RIT2: variants seen among roughly 807,000 people sequenced by gnomAD.
The protein encoded by RIT2 is Ras like without CAAX 2.
In RIT2, 24 loss-of-function variants were observed where a neutral mutation model predicts 23.7. The ratio of observed to expected loss-of-function variants is 1.01; its 90% CI spans 0.73 to 1.43. The LOEUF (loss-of-function observed/expected upper bound fraction) is 1.43. Among genes scored for constraint, RIT2 ranks in the 40% most tolerant of loss-of-function variants. The probability of loss-of-function intolerance (pLI) is 0.00; values close to 1 mark genes in which losing one functional copy is unlikely to be tolerated. For synonymous variants in RIT2, 107 were observed against 91.1 expected (o/e 1.17, Z -0.99); for missense variants, 236 against 266.9 (o/e 0.88, Z 0.81).
chr18:42,830,666 C>G (rs1023973341), intron 4 of RIT2, among the ~76,000 whole-genome samples: 22 of 152,190 alleles, frequency 1.4e-4, no homozygotes, highest in African/African-American at 5.3e-4. Context: ...CCAAATGAGA[C>G]TAGAACTCAG....
At chr18:42,875,800 G>A (rs1907730567) in intron 4 of RIT2, among the ~76,000 whole-genome samples, 1 of 152,018 alleles carries the variant, frequency 6.6e-6, no homozygotes, top group African/African-American at 2.4e-5. Context: ...TTCTGGTGAA[G>A]AGGGTGATCT....
intron 4 of RIT2, among the ~76,000 whole-genome samples, chr18:42,865,488 G>A (rs189995655): frequency 6.6e-6 from 1 of 152,200 alleles, no homozygotes; most frequent in African/African-American, 2.4e-5. Flanking sequence ...AACATAAGAG[G>A]CTTTCCCCAA....
chr18:42,958,067 C>T (rs1026684821), intron 3 of RIT2, among the ~76,000 whole-genome samples: 2 of 152,078 alleles, frequency 1.3e-5, no homozygotes, highest in African/African-American at 4.8e-5. Flanking sequence ...CCTACTGTAA[C>T]AGCTGATAAG....
chr18:42,904,079 TC>T (rs1908549281), intron 4 of RIT2, among the ~76,000 whole-genome samples: 1 of 152,122 alleles, frequency 6.6e-6, no homozygotes, highest in Non-Finnish European at 1.5e-5. Context: ...TGTATAGTGT[TC>T]CTACAAATGG....
chr18:42,851,189 T>C (rs1907045408), intron 4 of RIT2, among the ~76,000 whole-genome samples: 1 of 152,208 alleles, frequency 6.6e-6, no homozygotes, highest in African/African-American at 2.4e-5. Context: ...AAAAACCCTA[T>C]TTTGAGGTGG....
chr18:42,982,663 G>A (rs1029283308), intron 2 of RIT2, among the ~76,000 whole-genome samples: 2 of 152,170 alleles, frequency 1.3e-5, no homozygotes, highest in Non-Finnish European at 2.9e-5. Context: ...TGTAGATTTA[G>A]GAATTTTGAT....
chr18:43,081,525 T>A (rs939422671), intron 1 of RIT2, among the ~76,000 whole-genome samples: 1 of 152,188 alleles, frequency 6.6e-6, no homozygotes, highest in African/African-American at 2.4e-5. Flanking sequence ...TCTGACTTCA[T>A]ATGTGCTCTT....
At chr18:42,980,157 G>A (rs1474786560) in intron 2 of RIT2, among the ~76,000 whole-genome samples, 1 of 152,146 alleles carries the variant, frequency 6.6e-6, no homozygotes, top group African/African-American at 2.4e-5. Context: ...GCTGAACTGA[G>A]TTTGTGGGAC....
chr18:42,856,395 T>C (rs539886565), intron 4 of RIT2, among the ~76,000 whole-genome samples: 3 of 152,334 alleles, frequency 2.0e-5, no homozygotes, highest in South Asian at 2.1e-4. Context: ...CCAATCATAT[T>C]TCTGTACAGC....
intron 3 of RIT2, among the ~76,000 whole-genome samples, chr18:42,965,087 A>G (rs1910184079): frequency 6.6e-6 from 1 of 152,224 alleles, no homozygotes; most frequent in Non-Finnish European, 1.5e-5. Context: ...TGAAGGCAGG[A>G]AAAACTATTT....
chr18:43,115,591 C>A lies in RIT2; in HGVS notation c.-72G>T. On this transcript the variant is annotated 5_prime_UTR_variant, in exon 1 of 5. Coordinates refer to ENST00000326695, the MANE Select transcript of RIT2 (RefSeq NM_002930.4). ...GTCAGGTGCTTGCTCGAATATTAAGCAACTCTAAAACTGTGTCAAAGCAAA... is the reference window on the plus strand; with the variant it reads ...GTCAGGTGCTTGCTCGAATATTAAGAAACTCTAAAACTGTGTCAAAGCAAA... The A allele has an allele frequency of 1.3e-6, 2 of 1,561,128 alleles. No homozygotes were observed. The highest frequency in any genetic ancestry group is 1.2e-5 in the South Asian group (1 of 82,814).
rs768970243 is a variant in RIT2 at position 43,115,490 on chromosome 18, G to C, written c.30C>G (p.Ser10=). The change falls in exon 1 of 5, where the codon TCC becomes TCG. Residue 10 remains serine, a synonymous_variant. Coordinates refer to ENST00000326695, the MANE Select transcript of RIT2 (RefSeq NM_002930.4). ...TGGACCCGCCTGATGCGCTGCCCGG[G>C]GAGCAGCTGGCTTCATTTTCTACCT... The part of the protein sequence containing the change: MEVENEASC[S]PGSASGGSRE... 5 of 1,613,282 alleles carry C rather than the reference G, an allele frequency of 3.1e-6. No homozygotes were observed. Among genetic ancestry groups the C allele is most frequent in the Admixed American group, 1.7e-5 (1 of 59,790 alleles).
At chr18:42,904,985 G>T (rs1397611761) in intron 4 of RIT2, among the ~76,000 whole-genome samples, 1 of 152,146 alleles carries the variant, frequency 6.6e-6, no homozygotes, top group Non-Finnish European at 1.5e-5. Flanking sequence ...TATCCCAGAG[G>T]ATGTATACAT....
intron 4 of RIT2, among the ~76,000 whole-genome samples, chr18:42,908,470 C>A (rs1403548015): frequency 6.6e-6 from 1 of 152,068 alleles, no homozygotes. Context: ...CTAGGTTAAA[C>A]CTAAAACTAC....
intron 4 of RIT2, among the ~76,000 whole-genome samples, chr18:42,916,684 C>A (rs1441222381): frequency 1.3e-5 from 2 of 152,020 alleles, no homozygotes; most frequent in African/African-American, 4.8e-5. Context: ...GGGATAGTAG[C>A]ACCCAGTATT....
At chr18:42,905,872 G>C (rs1248876877) in intron 4 of RIT2, among the ~76,000 whole-genome samples, 1 of 150,584 alleles carries the variant, frequency 6.6e-6, no homozygotes, top group Non-Finnish European at 1.5e-5. Flanking sequence ...CAGGTAGGTG[G>C]CTGGCTTTAG....
chr18:43,083,980 A>C (rs1245566215), intron 1 of RIT2, among the ~76,000 whole-genome samples: 1 of 152,198 alleles, frequency 6.6e-6, no homozygotes, highest in African/African-American at 2.4e-5. Flanking sequence ...TCTGTAATCT[A>C]TCCATCTGAC....
At chr18:42,900,976 CT>C (rs112526862) in intron 4 of RIT2, among the ~76,000 whole-genome samples, 3 of 150,808 alleles carry the variant, frequency 2.0e-5, no homozygotes, top group Admixed American at 6.6e-5. Flanking sequence ...TTTTATTTGG[CT>C]TTTTTTTTAC....
At chr18:42,776,113 C>T (rs977809359) in intron 4 of RIT2, among the ~76,000 whole-genome samples, 2 of 152,056 alleles carry the variant, frequency 1.3e-5, no homozygotes, top group African/African-American at 2.4e-5. Context: ...AGGGCATAAA[C>T]ACAAAGGGAA....
Sources: gnomAD v4.1 joint callset for allele counts (sites outside exome capture counted in the v4.1 genomes callset) on GRCh38, gnomAD v4.1.1 for gene constraint, MANE v1.5 for transcripts, NCBI Gene and HGNC (gene_info 2026-07-23, HGNC 2026-07-21) for gene names.